The following COL8A1 variants were observed in gnomAD, a reference collection of about 807,000 sequenced individuals.
COL8A1 encodes the protein collagen type VIII alpha 1 chain.
In COL8A1, 21 loss-of-function variants were observed where a neutral mutation model predicts 42.7. The ratio of observed to expected loss-of-function variants is 0.49; its 90% CI spans 0.35 to 0.71. COL8A1 has a LOEUF of 0.71. Ranked by LOEUF, COL8A1 falls within the 30% of genes least tolerant of loss-of-function variation. COL8A1 has a pLI of 0.01. For missense variants in COL8A1, 788 were observed against 962.4 expected (o/e 0.82, Z 2.40); for synonymous variants, 367 against 369.1 (o/e 0.99, Z 0.06).
intron 2 of COL8A1, among the ~76,000 whole-genome samples, chr3:99,766,043 C>T (rs1941457856): frequency 6.6e-6 from 1 of 152,078 alleles, no homozygotes; most frequent in Non-Finnish European, 1.5e-5. Flanking sequence ...GCCGAAGGTA[C>T]CAGAGCTGGT....
At chr3:99,779,720 C>A (rs1002918602) in intron 2 of COL8A1, among the ~76,000 whole-genome samples, 7 of 152,156 alleles carry the variant, frequency 4.6e-5, no homozygotes, top group South Asian at 2.1e-4. Context: ...TTTCTTCAGA[C>A]AAAGAGAACT....
intron 1 of COL8A1, among the ~76,000 whole-genome samples, chr3:99,669,401 G>A (rs1938474640): frequency 6.6e-6 from 1 of 151,634 alleles, no homozygotes; most frequent in South Asian, 2.1e-4. Flanking sequence ...ACAGGAGCAG[G>A]GTCTGTAAAT....
intron 1 of COL8A1, among the ~76,000 whole-genome samples, chr3:99,742,601 G>A (rs984245775): frequency 6.6e-6 from 1 of 152,158 alleles, no homozygotes; most frequent in African/African-American, 2.4e-5. Flanking sequence ...AGAGAGAAAA[G>A]AACCTCTTTT....
intron 2 of COL8A1, among the ~76,000 whole-genome samples, chr3:99,785,631 C>A (rs898407120): frequency 6.6e-6 from 1 of 152,068 alleles, no homozygotes; most frequent in Admixed American, 6.5e-5. Context: ...AAAATAGGGC[C>A]TTTAAAGAGG....
intron 1 of COL8A1, among the ~76,000 whole-genome samples, chr3:99,656,230 T>C (rs1026536581): frequency 6.6e-6 from 1 of 152,240 alleles, no homozygotes; most frequent in Non-Finnish European, 1.5e-5. Context: ...TTGAGTTTAT[T>C]CTAATATGTG....
chr3:99,672,809 A>G (rs1383664494), intron 1 of COL8A1, among the ~76,000 whole-genome samples: 1 of 152,082 alleles, frequency 6.6e-6, no homozygotes. Context: ...TATGCTGATT[A>G]TTCCATGAAC....
At chr3:99,670,942 C>T (rs1472369946) in intron 1 of COL8A1, among the ~76,000 whole-genome samples, 3 of 150,420 alleles carry the variant, frequency 2.0e-5, no homozygotes, top group Non-Finnish European at 3.0e-5. Flanking sequence ...CAGGCTCATC[C>T]GGGGTGTGTG....
intron 1 of COL8A1, among the ~76,000 whole-genome samples, chr3:99,724,074 CTG>C (rs1940233595): frequency 6.6e-6 from 1 of 152,128 alleles, no homozygotes; most frequent in Non-Finnish European, 1.5e-5. Context: ...TTGCACGACA[CTG>C]TGTGTACATG....
intron 1 of COL8A1, among the ~76,000 whole-genome samples, chr3:99,732,503 T>C (rs988314727): frequency 6.6e-6 from 1 of 152,036 alleles, no homozygotes; most frequent in African/African-American, 2.4e-5. Flanking sequence ...AAGGCCCTTA[T>C]AAAACCATCA....
chr3:99,683,829 G>A (rs1273980993), intron 1 of COL8A1, among the ~76,000 whole-genome samples: 1 of 152,020 alleles, frequency 6.6e-6, no homozygotes, highest in African/African-American at 2.4e-5. Flanking sequence ...CAAACATTCT[G>A]TTTTTACCTA....
intron 1 of COL8A1, among the ~76,000 whole-genome samples, chr3:99,699,578 AG>A (rs1344019255): frequency 6.6e-6 from 1 of 152,256 alleles, no homozygotes; most frequent in Non-Finnish European, 1.5e-5. Context: ...TTCAACTCAA[AG>A]ACCTTTTAGA....
chr3:99,669,644 AG>A (rs371314004), intron 1 of COL8A1, among the ~76,000 whole-genome samples: 89 of 152,200 alleles, frequency 5.8e-4, no homozygotes, highest in Middle Eastern at 6.8e-3. Context: ...CTGCCTTTGT[AG>A]TACTAGAAAT....
At position 99,718,868 on chromosome 3, in the gene COL8A1, G is replaced by T. The variant is rs145786588; in HGVS notation, c.-128-26029G>T. 4.1e-3 allele frequency among the ~76,000 whole-genome samples: 623 copies of T among 152,138 alleles called. 4 individuals carry two copies. Among genetic ancestry groups the T allele is most frequent in the Non-Finnish European group, 7.3e-3 (498 of 67,964 alleles). ...TCTTAGGAAAAGATTTCATATTCCA[G>T]CTTCATCTTATTTAGCATGAATTTA... On this transcript the variant is annotated intron_variant, in intron 1 of 3. Coordinates refer to ENST00000652472, the MANE Select transcript of COL8A1 (RefSeq NM_020351.4).
At chr3:99,641,864 TCTAA>T (rs1159159367) in intron 1 of COL8A1, among the ~76,000 whole-genome samples, 1 of 152,068 alleles carries the variant, frequency 6.6e-6, no homozygotes, top group Non-Finnish European at 1.5e-5. Context: ...GGTGCACTGG[TCTAA>T]CTATTGAGTG....
chr3:99,683,885 C>T (rs1938966099), intron 1 of COL8A1, among the ~76,000 whole-genome samples: 1 of 152,026 alleles, frequency 6.6e-6, no homozygotes, highest in African/African-American at 2.4e-5. Context: ...TGGACTTTGT[C>T]TCTATAAGAC....
intron 1 of COL8A1, among the ~76,000 whole-genome samples, chr3:99,743,652 C>A (rs929148039): frequency 6.6e-6 from 1 of 152,168 alleles, no homozygotes; most frequent in African/African-American, 2.4e-5. Flanking sequence ...AAATTAAGTT[C>A]CTCCATCACA....
intron 2 of COL8A1, among the ~76,000 whole-genome samples, chr3:99,787,712 G>A (rs1205238064): frequency 6.6e-6 from 1 of 152,176 alleles, no homozygotes; most frequent in African/African-American, 2.4e-5. Flanking sequence ...CATGAAGAAT[G>A]GCAGAGCCAA....
At chr3:99,700,973 G>A (rs1196523353) in intron 1 of COL8A1, among the ~76,000 whole-genome samples, 4 of 152,120 alleles carry the variant, frequency 2.6e-5, no homozygotes, top group Non-Finnish European at 5.9e-5. Context: ...TCTTACCCCC[G>A]TAGCTTCGTG....
chr3:99,710,449 T>C (rs2107356739), intron 1 of COL8A1, among the ~76,000 whole-genome samples: 1 of 152,338 alleles, frequency 6.6e-6, no homozygotes, highest in Middle Eastern at 3.4e-3. Flanking sequence ...ATGTCAGTTA[T>C]GTCCAAATAA....
Sources: allele counts gnomAD v4.1 joint callset (sites outside exome capture counted in the v4.1 genomes callset), GRCh38; gene constraint gnomAD v4.1.1; transcripts MANE v1.5; gene names NCBI Gene and HGNC (gene_info 2026-07-23, HGNC 2026-07-21).